The following SLC38A11 variants were observed in gnomAD, a reference collection of about 807,000 sequenced individuals.
SLC38A11 encodes the protein putative sodium-coupled neutral amino acid transporter 11.
SLC38A11 carries 51 observed loss-of-function variants against 49.4 expected under a neutral mutation model. The observed-to-expected ratio is 1.03, with a 90% confidence interval of 0.83 to 1.30. The LOEUF (loss-of-function observed/expected upper bound fraction) is 1.30, where lower values mean the gene tolerates loss of function less well. SLC38A11 is among the 50% of genes most tolerant of loss of function. The pLI, the probability that SLC38A11 is intolerant of heterozygous loss-of-function variation, is 0.00. For missense variants in SLC38A11, 574 were observed against 556.2 expected (o/e 1.03, Z -0.32); for synonymous variants, 203 against 192.9 (o/e 1.05, Z -0.43).
intron 5 of SLC38A11, among the ~76,000 whole-genome samples, chr2:164,942,266 T>C (rs1366308887): frequency 1.3e-5 from 2 of 151,710 alleles, no homozygotes; most frequent in Non-Finnish European, 2.9e-5. Context: ...CTGGACAACA[T>C]AGCAAAACCC....
chr2:164,912,373 A>G (rs1387256158), intron 9 of SLC38A11: 1 of 152,120 alleles, frequency 6.6e-6, no homozygotes, highest in East Asian at 1.9e-4. Flanking sequence ...TTCTTACATC[A>G]GAATCAACTC....
chr2:164,903,619 G>A (rs1684804873), intron 11 of SLC38A11, among the ~76,000 whole-genome samples: 1 of 152,152 alleles, frequency 6.6e-6, no homozygotes, highest in Middle Eastern at 3.2e-3. Context: ...AATTAGTCGA[G>A]CTGATTTGAT....
intron 11 of SLC38A11, among the ~76,000 whole-genome samples, chr2:164,902,030 TCTC>T (rs1396980809): frequency 2.8e-5 from 4 of 140,960 alleles, no homozygotes; most frequent in Admixed American, 7.1e-5. Context: ...TTGTTTTCTC[TCTC>T]TTTTTTTTTT....
At position 164,898,386 on chromosome 2, in the gene SLC38A11, G is replaced by T; in HGVS notation, c.*51C>A. On this transcript the variant is annotated 3_prime_UTR_variant, in exon 12 of 12. Transcript: ENST00000685975. Reference sequence around the variant, plus strand: ...AATACAGACTAAAGCAAGCGTAAATGTTATGTGTTTTAAAGTCTATGAAAA... The same window carrying T: ...AATACAGACTAAAGCAAGCGTAAATTTTATGTGTTTTAAAGTCTATGAAAA... 1 of 1,312,426 alleles carries T rather than the reference G, an allele frequency of 7.6e-7. No individual in the cohort carries two copies. Among genetic ancestry groups the T allele is most frequent in the Non-Finnish European group, 1.1e-6 (1 of 931,680 alleles). The allele number at this position is 1,312,426 out of a possible 1,614,324, so 81.3% of individuals were successfully genotyped here.
Position 164,939,549 on chromosome 2 carries a change from A to T in SLC38A11, c.438T>A (p.Pro146=), listed in dbSNP as rs779307246. Residue 146 remains proline, a synonymous_variant, in exon 6 of 12, where the codon CCT becomes CCA. Coordinates refer to ENST00000685975, the MANE Select transcript of SLC38A11 (RefSeq NM_001351537.2). The stretch of plus-strand genomic sequence containing the variant: ...AGTGGCGACCAATAAACACGTTTTC[A>T]GGATCAACTAAAACACAATAAATAT... ...KVFQRIPGVD[P]ENVFIGRHFI... The T allele has an allele frequency of 5.6e-6, 9 of 1,602,822 alleles. No individual in the cohort carries two copies. In the East Asian group the frequency reaches 1.1e-4, roughly 20 times the overall value.
intron 9 of SLC38A11, among the ~76,000 whole-genome samples, chr2:164,913,669 G>GT (rs35526225): frequency 0.63 from 96,198 of 151,740 alleles, 30,654 homozygotes; most frequent in Admixed American, 0.68. Context: ...AACAAAAAAG[G>GT]TTATGTCTTA....
intron 7 of SLC38A11, among the ~76,000 whole-genome samples, chr2:164,916,820 T>C (rs1245015447): frequency 3.9e-5 from 6 of 152,172 alleles, no homozygotes; most frequent in Non-Finnish European, 5.9e-5. Context: ...TGAATAATGA[T>C]GAACAGCAGA....
intron 7 of SLC38A11, among the ~76,000 whole-genome samples, chr2:164,934,920 G>A (rs934561577): frequency 6.6e-5 from 10 of 152,062 alleles, no homozygotes; most frequent in Admixed American, 2.0e-4. Flanking sequence ...ATAAATATCA[G>A]TAGAATTAAG....
At chr2:164,944,790 A>G (rs896585545) in intron 4 of SLC38A11, among the ~76,000 whole-genome samples, 156 bp from the exon 5 acceptor site, 12 of 152,300 alleles carry the variant, frequency 7.9e-5, no homozygotes, top group Middle Eastern at 3.4e-3. Context: ...TTTAAAGATA[A>G]CTGGACAAGA....
At chr2:164,915,608 TA>T (rs1685727676) in intron 8 of SLC38A11, 1 of 425,388 alleles carries the variant, frequency 2.4e-6, no homozygotes, top group East Asian at 3.4e-5. Context: ...ATTTGGGACA[TA>T]ATAAAGGGTT....
Position 164,895,482 on chromosome 2 carries a change from T to C in SLC38A11, c.*2955A>G, listed in dbSNP as rs1001302215. Among the ~76,000 whole-genome samples the C allele has an allele frequency of 2.6e-5, 4 of 152,214 alleles. No individual in the cohort carries two copies. The highest frequency in any genetic ancestry group is 9.6e-5 in the African/African-American group (4 of 41,468). ...CTATTATTCCTTTCCTAAGCAAGGC[T>C]ATAGCAGATAAACCAGGAGGAGACC... On this transcript the variant is annotated 3_prime_UTR_variant, in exon 12 of 12. Transcript: ENST00000685975.
chr2:164,953,973 C>T (rs1688687928), intron 2 of SLC38A11, among the ~76,000 whole-genome samples: 1 of 152,024 alleles, frequency 6.6e-6, no homozygotes, highest in African/African-American at 2.4e-5. Context: ...TCCCTTGCTT[C>T]TAATACAATG....
chr2:164,919,775 T>G (rs1686051935), intron 7 of SLC38A11, among the ~76,000 whole-genome samples: 1 of 152,200 alleles, frequency 6.6e-6, no homozygotes, highest in Admixed American at 6.5e-5. Context: ...TATTGTCATA[T>G]TGTTATTTTT....
At chr2:164,915,790 G>C in intron 8 of SLC38A11, 113 bp downstream of exon 8, 1 of 725,768 alleles carries the variant, frequency 1.4e-6, no homozygotes, top group South Asian at 2.4e-5. Flanking sequence ...GCTGCTAATA[G>C]GAAGTCTAAA....
chr2:164,954,642 G>T lies in SLC38A11; in HGVS notation c.143C>A (p.Ser48Tyr). The T allele has an allele frequency of 6.6e-7, 1 of 1,514,396 alleles. No homozygotes were observed. Among genetic ancestry groups the T allele is most frequent in the Non-Finnish European group, 8.9e-7 (1 of 1,123,068 alleles). The allele number at this position is 1,514,396 out of a possible 1,614,324, so 93.8% of individuals were successfully genotyped here. A position where few individuals can be genotyped will look rare whatever the true frequency, so the allele number is the denominator to read the frequency against. Residue 48 changes from serine (S) to tyrosine (Y), a missense_variant, in exon 2 of 12, where the codon TCT becomes TAT. Coordinates refer to ENST00000685975, the MANE Select transcript of SLC38A11 (RefSeq NM_001351537.2). ...GCAAATACACTTACCTATTATACCA[G>T]ATCCTATAATCGAGTTGACAACATT... The part of the protein sequence containing the change: ...LFNVVNSIIG[S>Y]GIIGLPYSMK...
chr2:164,915,428 T>G, intron 8 of SLC38A11, 155 bp from the exon 9 acceptor site: 1 of 656,344 alleles, frequency 1.5e-6, no homozygotes, highest in Non-Finnish European at 2.5e-6. Context: ...TTTCTAATAG[T>G]TCTAGAAATG....
At chr2:164,920,876 T>C (rs1022813920) in intron 7 of SLC38A11, among the ~76,000 whole-genome samples, 1 of 152,172 alleles carries the variant, frequency 6.6e-6, no homozygotes, top group African/African-American at 2.4e-5. Flanking sequence ...GGCTCTGGGA[T>C]GGATGTGTTC....
chr2:164,940,110 C>G (rs4366921), intron 5 of SLC38A11, among the ~76,000 whole-genome samples: 111,829 of 149,444 alleles, frequency 0.75, 42,127 homozygotes, highest in East Asian at 0.99. Flanking sequence ...CAAGAAAAAA[C>G]TGGTTTCCCT....
chr2:164,929,385 A>G (rs1181181740), intron 7 of SLC38A11, among the ~76,000 whole-genome samples: 1 of 152,148 alleles, frequency 6.6e-6, no homozygotes, highest in Non-Finnish European at 1.5e-5. Flanking sequence ...AAGGCAAACA[A>G]CTCAATATAG....
Sources: allele counts gnomAD v4.1 joint callset (sites outside exome capture counted in the v4.1 genomes callset), GRCh38; gene constraint gnomAD v4.1.1; transcripts MANE v1.5; gene names NCBI Gene and HGNC (gene_info 2026-07-23, HGNC 2026-07-21).